The following PLEKHN1 variants were observed in gnomAD, a reference collection of about 807,000 sequenced individuals.
PLEKHN1 encodes the protein pleckstrin homology domain containing N1, also known as pleckstrin homology domain-containing family N member 1.
PLEKHN1 carries 68 observed loss-of-function variants against 72.8 expected under a neutral mutation model. The ratio of observed to expected loss-of-function variants is 0.93; its 90% CI spans 0.77 to 1.14. The LOEUF (loss-of-function observed/expected upper bound fraction) is 1.14, where lower values mean the gene tolerates loss of function less well. Among genes scored for constraint, PLEKHN1 ranks in the 50% most tolerant of loss-of-function variants. PLEKHN1 has a pLI of 0.00. For synonymous variants in PLEKHN1, 454 were observed against 371.6 expected (o/e 1.22, Z -2.55); for missense variants, 1,015 against 840.5 (o/e 1.21, Z -2.57).
Position 972,393 on chromosome 1 carries a change from T to C in PLEKHN1, c.971T>C (p.Leu324Pro), listed in dbSNP as rs1005646650. The change falls in exon 10 of 16, where the codon CTG becomes CCG. Residue 324 changes from leucine (L) to proline (P), a missense_variant. Leu to Pro is a moderately conservative substitution (Grantham distance 98). Coordinates refer to ENST00000379410, the MANE Select transcript of PLEKHN1 (RefSeq NM_032129.3). ...AVTHREGAPPLPGAESFPGSQ... is the reference protein window; with the variant it reads ...AVTHREGAPPPPGAESFPGSQ... ...ACCCACAGGGAGGGGGCCCCGCCGC[T>C]GCCTGGTGCCGAGAGCTTCCCAGGG... 1.3e-6 allele frequency: 2 copies of C among 1,586,976 alleles called. No individual in the cohort carries two copies. The highest frequency in any genetic ancestry group is 3.6e-5 in the Admixed American group (2 of 55,880).
intron 2 of PLEKHN1, among the ~76,000 whole-genome samples, chr1:968,037 C>T (rs774314852): frequency 1.3e-5 from 2 of 152,238 alleles, no homozygotes; most frequent in Non-Finnish European, 1.5e-5. Context: ...TGAGCTGGCT[C>T]TACTACGGCT....
intron 14 of PLEKHN1, 98 bp from the exon 15 acceptor site, chr1:974,218 G>C: frequency 6.4e-7 from 1 of 1,569,050 alleles, no homozygotes; most frequent in African/African-American, 1.4e-5. Context: ...TGGGGAGGGA[G>C]AGCAGGGGGA....
chr1:969,862 T>G lies in PLEKHN1; in HGVS notation c.184-415T>G, dbSNP rs115059003. Among the ~76,000 whole-genome samples the G allele has an allele frequency of 4.6e-3, 703 of 152,250 alleles. 5 individuals are homozygous for G. Among genetic ancestry groups the G allele is most frequent in the African/African-American group, 0.016 (677 of 41,544 alleles). ...TGCATGTGCACGTATCGGGTGTGTG[T>G]GCGTGTACGTGTACACGAATATGCA... On this transcript the variant is annotated intron_variant, in intron 2 of 15. Coordinates refer to ENST00000379410, the MANE Select transcript of PLEKHN1 (RefSeq NM_032129.3).
Position 975,138 on chromosome 1 carries a change from AGAAG to A in PLEKHN1, c.*564_*567del. 1 of 152,134 alleles carries A rather than the reference AGAAG, an allele frequency of 6.6e-6. No homozygotes were observed. The highest frequency in any genetic ancestry group is 1.5e-5 in the Non-Finnish European group (1 of 68,394). The allele number at this position is 152,134 out of a possible 1,614,324, so 9.4% of individuals were successfully genotyped here. A position where few individuals can be genotyped will look rare whatever the true frequency, so the allele number is the denominator to read the frequency against. On this transcript the variant is annotated 3_prime_UTR_variant, in exon 16 of 16. Transcript: ENST00000379410. The stretch of plus-strand genomic sequence containing the variant: ...GAAGAGAGAGAGGAGAAGAGAGAAA[AGAAG>A]AGAAGAGAGAAGAGAAGAGAAGGAA...
rs148487123 is a variant in PLEKHN1 at position 974,143 on chromosome 1, G to A, written c.1653+92G>A. 5.5e-4 allele frequency: 826 copies of A among 1,489,806 alleles called. No individual in the cohort carries two copies. In the African/African-American group the frequency reaches 9.0e-3, roughly 16 times the overall value. The allele number at this position is 1,489,806 out of a possible 1,614,324, so 92.3% of individuals were successfully genotyped here. On this transcript the variant is annotated intron_variant, in intron 14 of 15. Transcript: ENST00000379410. ...TCTTGGGACTCTGAGGGAGCAGGGA[G>A]GGAAACAGGAGGACGGGGGCAGATG...
chr1:972,301 C>T lies in PLEKHN1; in HGVS notation c.879C>T (p.Asn293=). Residue 293 remains asparagine (N), a synonymous_variant, in exon 10 of 16, where the codon AAC becomes AAT. Transcript: ENST00000379410. ...RSFLIEGPLI[N]TIRVVCASYE... ...TCTGTATGCCAGGCCCCCTCATCAA[C>T]ACCATCCGCGTGGTGTGCGCCAGCT... 6.2e-7 allele frequency: 1 copy of T among 1,612,092 alleles called. No individual in the cohort carries two copies. The highest frequency in any genetic ancestry group is 8.5e-7 in the Non-Finnish European group (1 of 1,179,494).
chr1:972,598 T>G (rs990271737), intron 10 of PLEKHN1, among the ~76,000 whole-genome samples, 174 bp downstream of exon 10: 1 of 151,742 alleles, frequency 6.6e-6, no homozygotes, highest in Non-Finnish European at 1.5e-5. Flanking sequence ...AAACCCTGTC[T>G]CTATTAAAAA....
In PLEKHN1 at chr1:973,339, C is replaced by A; in HGVS notation, c.1293+13C>A. ...GGACCTGACCCAGGTGGGCCCAGCA[C>A]ACCCACACAGCCCCTGGCCTGGTTC... On this transcript the variant is annotated intron_variant, in intron 12 of 15. Coordinates refer to ENST00000379410, the MANE Select transcript of PLEKHN1 (RefSeq NM_032129.3). 1 of 1,552,484 alleles carries A rather than the reference C, an allele frequency of 6.4e-7. No individual in the cohort carries two copies.
rs1458077782 is a variant in PLEKHN1, at chr1:966,734, G to A, written c.114G>A (p.Leu38=). The A allele has an allele frequency of 1.3e-6, 2 of 1,574,058 alleles. No homozygotes were observed. Among genetic ancestry groups the A allele is most frequent in the Middle Eastern group, 1.7e-4 (1 of 5,994 alleles). ...ACAGCGCGCGGATGTCGGCCGGCCT[G>A]CCGGGCCCCGAGGCTGCTCGAAGCG... ...REDSARMSAG[L]PGPEAARSGD... The change falls in exon 2 of 16, where the codon CTG becomes CTA. Residue 38 remains leucine, a synonymous_variant. Coordinates refer to ENST00000379410, the MANE Select transcript of PLEKHN1 (RefSeq NM_032129.3).
At position 972,150 on chromosome 1, in the gene PLEKHN1, G is replaced by A. The variant is rs1189234722; in HGVS notation, c.865G>A (p.Gly289Ser). 2.5e-6 allele frequency: 4 copies of A among 1,612,846 alleles called. No individual in the cohort carries two copies. In the African/African-American group the frequency reaches 5.3e-5, roughly 22 times the overall value. The change falls in exon 9 of 16, where the codon GGC becomes AGC. Residue 289 changes from glycine (G) to serine (S), a missense_variant and splice_region_variant. Coordinates refer to ENST00000379410, the MANE Select transcript of PLEKHN1 (RefSeq NM_032129.3). ...EKQIRSFLIE[G>S]PLINTIRVVC... Reference sequence around the variant, plus strand: ...GCAGATCCGCTCCTTCCTGATTGAAGGTAGGGCCCTGACCCTGGTTCTGCC... The same window carrying A: ...GCAGATCCGCTCCTTCCTGATTGAAAGTAGGGCCCTGACCCTGGTTCTGCC...
At position 972,844 on chromosome 1, in the gene PLEKHN1, A is replaced by C. The variant is rs879785559; in HGVS notation, c.1003-17A>C. The C allele has an allele frequency of 6.5e-7, 1 of 1,534,286 alleles. No homozygotes were observed. The highest frequency in any genetic ancestry group is 2.0e-5 in the Admixed American group (1 of 50,410). On this transcript the variant is annotated splice_polypyrimidine_tract_variant and intron_variant, in intron 10 of 15. Transcript: ENST00000379410. ...GGGGGTCCAGCCCTCACTCACCCCCACTCACTGCCCATCCAGGTTATGGGC... is the reference window on the plus strand; with the variant it reads ...GGGGGTCCAGCCCTCACTCACCCCCCCTCACTGCCCATCCAGGTTATGGGC...
In PLEKHN1 at chr1:972,090, C is replaced by T. The variant is rs745992441; in HGVS notation, c.805C>T (p.Arg269Cys). 2.1e-5 allele frequency: 34 copies of T among 1,612,850 alleles called. No individual in the cohort carries two copies. The highest frequency in any genetic ancestry group is 1.2e-4 in the Admixed American group (7 of 59,998). Residue 269 changes from arginine (R) to cysteine (C), a missense_variant, in exon 9 of 16, where the codon CGT (arginine) becomes TGT (cysteine). Coordinates refer to ENST00000379410, the MANE Select transcript of PLEKHN1 (RefSeq NM_032129.3). ...TGCTCCGCAGGGGGAGCTCCCACTC[C>T]GTGCCGTCCACATCAACCTGGAGGA... ...GLCFKGELPLRAVHINLEEKE... is the reference protein window; with the variant it reads ...GLCFKGELPLCAVHINLEEKE...
Position 975,557 on chromosome 1 carries a change from T to G in PLEKHN1, c.*982T>G, listed in dbSNP as rs1643568293. The stretch of plus-strand genomic sequence containing the variant: ...GGGGAGGGGCAGGCAGAGCCTTCGC[T>G]GTCTCAGGCCAGAGCCCGCAGAGGC... On this transcript the variant is annotated 3_prime_UTR_variant, in exon 16 of 16. Coordinates refer to ENST00000379410, the MANE Select transcript of PLEKHN1 (RefSeq NM_032129.3). 1 of 152,426 alleles carries G rather than the reference T, an allele frequency of 6.6e-6. No individual in the cohort carries two copies. Among genetic ancestry groups the G allele is most frequent in the African/African-American group, 2.4e-5 (1 of 41,464 alleles). The allele number at this position is 152,426 out of a possible 1,614,324, so 9.4% of individuals were successfully genotyped here.
intron 9 of PLEKHN1, 46 bp from the exon 10 acceptor site, chr1:972,242 G>C (rs59928984): frequency 0.035 from 56,583 of 1,601,478 alleles, 3,018 homozygotes; most frequent in African/African-American, 0.21. Context: ...TGGGGGCGCT[G>C]AGGGGTGCAC....
rs1282367572 is a variant in PLEKHN1 at position 973,591 on chromosome 1, C to G, written c.1385C>G (p.Pro462Arg). Reference sequence around the variant, plus strand: ...CCCCTCTATGCCGACCCCTACACACCACCCGCCACCTCCCACCGCAGGGTC... The same window carrying G: ...CCCCTCTATGCCGACCCCTACACACGACCCGCCACCTCCCACCGCAGGGTC... ...HSPLYADPYT[P>R]PATSHRRVTD... Residue 462 changes from proline (P) to arginine (R), a missense_variant, in exon 13 of 16, where the codon CCA (proline) becomes CGA (arginine). Transcript: ENST00000379410. 2 of 1,613,164 alleles carry G rather than the reference C, an allele frequency of 1.2e-6. No individual in the cohort carries two copies. Among genetic ancestry groups the G allele is most frequent in the African/African-American group, 1.3e-5 (1 of 74,914 alleles).
chr1:970,978 C>T lies in PLEKHN1; in HGVS notation c.584C>T (p.Pro195Leu), dbSNP rs553651354. 140 of 1,605,038 alleles carry T rather than the reference C, an allele frequency of 8.7e-5. No individual in the cohort carries two copies. In the African/African-American group the frequency reaches 1.0e-3, roughly 12 times the overall value. ...LEKQTALLGG[P>L]RRCHSAPPQR... ...AAGCAGACGGCCCTCCTCGGGGGGCCGCGGCGCTGCCACTCGGCACCCCCA... is the reference window on the plus strand; with the variant it reads ...AAGCAGACGGCCCTCCTCGGGGGGCTGCGGCGCTGCCACTCGGCACCCCCA... Residue 195 changes from proline (P) to leucine (L), a missense_variant, in exon 6 of 16, where the codon CCG (proline) becomes CTG (leucine). By Grantham distance (98) the Pro-to-Leu change is moderately conservative (BLOSUM62 -3). Coordinates refer to ENST00000379410, the MANE Select transcript of PLEKHN1 (RefSeq NM_032129.3). This position sits in a 1 kb window ranked among gnomAD's most constrained non-coding sequence, Gnocchi z 4.2.
Position 970,294 on chromosome 1 carries a change from G to T in PLEKHN1, c.201G>T (p.Glu67Asp), listed in dbSNP as rs1643237644. 1 of 1,613,214 alleles carries T rather than the reference G, an allele frequency of 6.2e-7. No individual in the cohort carries two copies. The highest frequency in any genetic ancestry group is 1.7e-5 in the Admixed American group (1 of 60,004). ...CCTCCTAGGACATCCTGGACCTGGAGAACCAGCGAGAAAACCTGGAGCAGC... is the reference window on the plus strand; with the variant it reads ...CCTCCTAGGACATCCTGGACCTGGATAACCAGCGAGAAAACCTGGAGCAGC... ...YIPGTDILDL[E>D]NQRENLEQPF... is the part of the protein sequence containing the mutation. The change falls in exon 3 of 16, where the codon GAG becomes GAT. Residue 67 changes from glutamate to aspartate, a missense_variant. By Grantham distance (45) the Glu-to-Asp change is conservative (BLOSUM62 2). Transcript: ENST00000379410. This position sits in a 1 kb window ranked among gnomAD's most constrained non-coding sequence, Gnocchi z 4.2.
In PLEKHN1 at chr1:971,321, C is replaced by CCCG; in HGVS notation, c.709-3_709-2insCCG. The CCCG allele has an allele frequency of 6.4e-7, 1 of 1,572,424 alleles. No homozygotes were observed. ...TCGCCTGACCCCACCCCCACCCACC[C>CCCG]AGGAGCAGTGGGACCGGCTCTTGGT... On this transcript the variant is annotated splice_region_variant and splice_polypyrimidine_tract_variant and intron_variant, in intron 7 of 15. Coordinates refer to ENST00000379410, the MANE Select transcript of PLEKHN1 (RefSeq NM_032129.3).
rs1364677993 is a variant in PLEKHN1 at position 972,168 on chromosome 1, G to A, written c.865+18G>A. The A allele has an allele frequency of 1.9e-6, 3 of 1,612,036 alleles. No homozygotes were observed. The highest frequency in any genetic ancestry group is 1.1e-5 in the South Asian group (1 of 90,994). Reference sequence around the variant, plus strand: ...GATTGAAGGTAGGGCCCTGACCCTGGTTCTGCCTCCCGCCTGGCCAGGCCA... The same window carrying A: ...GATTGAAGGTAGGGCCCTGACCCTGATTCTGCCTCCCGCCTGGCCAGGCCA... On this transcript the variant is annotated intron_variant, in intron 9 of 15. Coordinates refer to ENST00000379410, the MANE Select transcript of PLEKHN1 (RefSeq NM_032129.3).
Sources: gnomAD v4.1 joint callset for allele counts (sites outside exome capture counted in the v4.1 genomes callset) on GRCh38, gnomAD v4.1.1 for gene constraint, Gnocchi (gnomAD v3.1) non-coding constraint, MANE v1.5 for transcripts, NCBI Gene and HGNC (gene_info 2026-07-23, HGNC 2026-07-21) for gene names.